The following PSD3 variants were observed in gnomAD, a reference collection of about 807,000 sequenced individuals.
PSD3 encodes the protein pleckstrin and Sec7 domain containing 3.
PSD3 carries 49 observed loss-of-function variants against 105.5 expected under a neutral mutation model. The ratio of observed to expected loss-of-function variants is 0.46; its 90% CI spans 0.37 to 0.59. PSD3 has a LOEUF of 0.59. PSD3 is among the 20% of genes least tolerant of loss of function. The pLI is 0.00. For missense variants in PSD3, 1,561 were observed against 1,263.8 expected (o/e 1.24, Z -3.57); for synonymous variants, 557 against 457.8 (o/e 1.22, Z -2.77).
chr8:18,652,764 T>C (rs775729241), intron 10 of PSD3, among the ~76,000 whole-genome samples: 38 of 152,020 alleles, frequency 2.5e-4, no homozygotes, highest in African/African-American at 8.7e-4. Flanking sequence ...TCCCAAAGTG[T>C]TGGGATTACA....
At chr8:19,037,984 A>G (rs888183764) in intron 1 of PSD3, among the ~76,000 whole-genome samples, 1 of 150,070 alleles carries the variant, frequency 6.7e-6, no homozygotes, top group East Asian at 1.9e-4. Context: ...TTAGGAGAAA[A>G]TTTATATTAT....
chr8:18,783,484 T>C (rs528467013), intron 8 of PSD3, among the ~76,000 whole-genome samples: 23 of 152,326 alleles, frequency 1.5e-4, no homozygotes, highest in African/African-American at 5.5e-4. Flanking sequence ...ATTCTTTCCC[T>C]TCTTTGGACT....
At chr8:18,917,392 A>G (rs11778310) in intron 2 of PSD3, among the ~76,000 whole-genome samples, 35,227 of 152,018 alleles carry the variant, frequency 0.23, 4,730 homozygotes, top group Non-Finnish European at 0.3. Context: ...AAAAGTGATC[A>G]TGGCACGACA....
At chr8:18,840,651 T>C (rs1052526953) in intron 4 of PSD3, among the ~76,000 whole-genome samples, 1 of 152,196 alleles carries the variant, frequency 6.6e-6, no homozygotes, top group African/African-American at 2.4e-5. Context: ...AGGTTTCCCA[T>C]AACACGGCAG....
chr8:18,620,342 G>GTTTTTTTTTTTT (rs57785765), intron 11 of PSD3, among the ~76,000 whole-genome samples: 5 of 121,728 alleles, frequency 4.1e-5, no homozygotes, highest in Non-Finnish European at 5.2e-5. Context: ...TTGGGTTTGT[G>GTTTTTTTTTTTT]TTTTTTTTTT....
At chr8:19,065,362 C>A (rs568416074) in intron 1 of PSD3, among the ~76,000 whole-genome samples, 1 of 152,094 alleles carries the variant, frequency 6.6e-6, no homozygotes, top group Non-Finnish European at 1.5e-5. Context: ...AGCTGGGTGT[C>A]CTCCAATTAA....
intron 15 of PSD3, among the ~76,000 whole-genome samples, chr8:18,547,437 G>A (rs974832466): frequency 1.3e-5 from 2 of 152,148 alleles, no homozygotes; most frequent in African/African-American, 4.8e-5. Context: ...GGGATCTTTT[G>A]CTTACCTTTT....
At position 18,657,281 on chromosome 8, in the gene PSD3, G is replaced by A. The variant is rs569992681; in HGVS notation, c.2173-1596C>T. On this transcript the variant is annotated intron_variant, in intron 9 of 15. Transcript: ENST00000327040. ...ACACCAATAGTAAATTCACTTTTCA[G>A]CAAAATACTTCCAAATTCAGTACAA... Among the ~76,000 whole-genome samples, 3 of 152,238 alleles carry A rather than the reference G, an allele frequency of 2.0e-5. No homozygotes were observed. In the Middle Eastern group the frequency reaches 0.01, roughly 518 times the overall value.
intron 1 of PSD3, among the ~76,000 whole-genome samples, chr8:19,049,274 C>A (rs1201561031): frequency 1.3e-5 from 2 of 152,156 alleles, no homozygotes; most frequent in African/African-American, 4.8e-5. Context: ...AGCGGAGAGA[C>A]TATCTCCCAT....
intron 8 of PSD3, among the ~76,000 whole-genome samples, chr8:18,787,385 T>A (rs903778974): frequency 6.6e-6 from 1 of 152,200 alleles, no homozygotes; most frequent in Non-Finnish European, 1.5e-5. Flanking sequence ...ATATATTTTC[T>A]ATCAAAACAG....
intron 12 of PSD3, among the ~76,000 whole-genome samples, chr8:18,580,319 G>C (rs531216081): frequency 6.6e-6 from 1 of 152,244 alleles, no homozygotes; most frequent in East Asian, 1.9e-4. Flanking sequence ...TGTCATCACA[G>C]TCTGGGAGGC....
chr8:18,983,775 G>T (rs920621887), intron 1 of PSD3, among the ~76,000 whole-genome samples: 2 of 151,894 alleles, frequency 1.3e-5, no homozygotes, highest in Non-Finnish European at 2.9e-5. Flanking sequence ...GAGGCAAGAG[G>T]ATTGCTTGAG....
intron 12 of PSD3, among the ~76,000 whole-genome samples, chr8:18,593,775 C>T (rs1228345575): frequency 6.6e-6 from 1 of 151,800 alleles, no homozygotes; most frequent in Non-Finnish European, 1.5e-5. Context: ...ACATATACAC[C>T]ATGGAACACT....
rs1244968386 is a variant in PSD3, at chr8:18,882,672, G to A, written c.131-9939C>T. Reference sequence around the variant, plus strand: ...CTCTAACACTGTGTTGTCCAATTTGGTAGCCATATCCACAGAAGCCTATTT... The same window carrying A: ...CTCTAACACTGTGTTGTCCAATTTGATAGCCATATCCACAGAAGCCTATTT... On this transcript the variant is annotated intron_variant, in intron 2 of 15. Transcript: ENST00000327040. Among the ~76,000 whole-genome samples the A allele has an allele frequency of 1.3e-5, 2 of 151,932 alleles. 1 individual carries two copies. Among genetic ancestry groups the A allele is most frequent in the Admixed American group, 1.3e-4 (2 of 15,248 alleles).
intron 1 of PSD3, among the ~76,000 whole-genome samples, chr8:18,994,093 T>A (rs966304875): frequency 6.6e-6 from 1 of 152,020 alleles, no homozygotes; most frequent in Non-Finnish European, 1.5e-5. Context: ...TAAGGCAAAT[T>A]ACTTAACCTC....
At chr8:18,946,013 A>G (rs1049179205) in intron 1 of PSD3, among the ~76,000 whole-genome samples, 2 of 152,174 alleles carry the variant, frequency 1.3e-5, no homozygotes, top group Admixed American at 6.5e-5. Flanking sequence ...ATATTTTTCC[A>G]TAAATGTATT....
At chr8:19,076,404 C>T (rs576024182) in intron 1 of PSD3, among the ~76,000 whole-genome samples, 1 of 151,884 alleles carries the variant, frequency 6.6e-6, no homozygotes, top group African/African-American at 2.4e-5. Flanking sequence ...GGAGATAGGC[C>T]AGAACAGAGG....
At chr8:18,749,080 C>G (rs751682246) in intron 9 of PSD3, among the ~76,000 whole-genome samples, 7 of 152,222 alleles carry the variant, frequency 4.6e-5, no homozygotes, top group Non-Finnish European at 8.8e-5. Flanking sequence ...AATAATGATT[C>G]TGCATGCTAC....
At chr8:19,023,505 T>C (rs984489778) in intron 1 of PSD3, among the ~76,000 whole-genome samples, 11 of 152,080 alleles carry the variant, frequency 7.2e-5, no homozygotes, top group African/African-American at 2.7e-4. Flanking sequence ...CATAGATCAC[T>C]GCAGCCTTGA....
Sources: allele counts gnomAD v4.1 joint callset (sites outside exome capture counted in the v4.1 genomes callset), GRCh38; gene constraint gnomAD v4.1.1; transcripts MANE v1.5; gene names NCBI Gene and HGNC (gene_info 2026-07-23, HGNC 2026-07-21).